The following HSPG2 variants were observed in gnomAD, a reference collection of about 807,000 sequenced individuals.
HSPG2 encodes the protein heparan sulfate proteoglycan 2.
Under a neutral mutation model 526.6 loss-of-function variants are expected in HSPG2, and 278 were observed. That is an observed-to-expected ratio of 0.53 (90% CI 0.48 to 0.58). HSPG2 has a LOEUF of 0.58. HSPG2 is among the 20% of genes least tolerant of loss of function. The pLI is 0.00. For synonymous variants in HSPG2, 2,465 were observed against 2,555.4 expected (o/e 0.96, Z 1.07); for missense variants, 5,354 against 6,099.5 (o/e 0.88, Z 4.07).
intron 1 of HSPG2, chr1:21,908,202 G>A (rs1643482286): frequency 2.3e-6 from 2 of 873,664 alleles, no homozygotes; most frequent in Admixed American, 1.7e-5. Context: ...GAATCTATAA[G>A]AAAGGTGATA....
At position 21,864,333 on chromosome 1, in the gene HSPG2, G is replaced by GC. The variant is rs3217649; in HGVS notation, c.4627-121dup. On this transcript the variant is annotated intron_variant, in intron 36 of 96. Transcript: ENST00000374695. The surrounding 1 kb of genome is among the most constrained non-coding windows in gnomAD (Gnocchi z 4.8). ...TGACCCTGGAACATCACAGGCCGGC[G>GC]CCCCTCCTTCCCCACTTCTGCTCAG... The GC allele has an allele frequency of 0.2, 159,210 of 801,846 alleles. 18,039 individuals are homozygous for GC. The highest frequency in any genetic ancestry group is 0.31 in the South Asian group (21,300 of 68,074). The allele number at this position is 801,846 out of a possible 1,614,324, so 49.7% of individuals were successfully genotyped here. A position where few individuals can be genotyped will look rare whatever the true frequency, so the allele number is the denominator to read the frequency against.
chr1:21,908,210 A>T, intron 1 of HSPG2: 1 of 880,678 alleles, frequency 1.1e-6, no homozygotes, highest in Non-Finnish European at 1.9e-6. Flanking sequence ...AAGAAAGGTG[A>T]TATTGTAGAC....
chr1:21,880,219 C>T lies in HSPG2; in HGVS notation c.2231G>A (p.Ser744Asn). ...PIGYSGLSCE[S>N]CDAHFTRVPG... ...CACCCGAGTGAAGTGGGCATCACAGCTCTCGCAGGACAAGCCAGAATAGCC... is the reference window on the plus strand; with the variant it reads ...CACCCGAGTGAAGTGGGCATCACAGTTCTCGCAGGACAAGCCAGAATAGCC... Residue 744 changes from serine to asparagine, a missense_variant, in exon 17 of 97, where the codon AGC becomes AAC. Coordinates refer to ENST00000374695, the MANE Select transcript of HSPG2 (RefSeq NM_005529.7). 1 of 1,614,196 alleles carries T rather than the reference C, an allele frequency of 6.2e-7. No homozygotes were observed. Among genetic ancestry groups the T allele is most frequent in the Non-Finnish European group, 8.5e-7 (1 of 1,180,046 alleles).
rs1642676492 is a variant in HSPG2, at chr1:21,895,428, C to T, written c.244+494G>A. Among the ~76,000 whole-genome samples, 1 of 152,174 alleles carries T rather than the reference C, an allele frequency of 6.6e-6. No homozygotes were observed. Among genetic ancestry groups the T allele is most frequent in the South Asian group, 2.1e-4 (1 of 4,832 alleles). On this transcript the variant is annotated intron_variant, in intron 3 of 96. Transcript: ENST00000374695. The surrounding 1 kb of genome is among the most constrained non-coding windows in gnomAD (Gnocchi z 4.1). ...CCTTGCTTCCCAGCCGATGACCCAC[C>T]TTAAGGCAAGGTTCTCTCCCAAGCC...
rs773217817 is a variant in HSPG2, at chr1:21,848,752, G to A, written c.7628C>T (p.Ala2543Val). The A allele has an allele frequency of 1.9e-6, 3 of 1,613,994 alleles. No individual in the cohort carries two copies. The highest frequency in any genetic ancestry group is 2.5e-6 in the Non-Finnish European group (3 of 1,179,988). ...CAGGGTGTGTCCATTGGCCAGGGAG[G>A]CTGAGGAGGACTCGATGCGGACGGG... ...AYPVRIESSSASLANGHTLDL... is the reference protein window; with the variant it reads ...AYPVRIESSSVSLANGHTLDL... Residue 2543 changes from alanine (A) to valine (V), a missense_variant, in exon 59 of 97, where the codon GCC (alanine) becomes GTC (valine). Transcript: ENST00000374695. The surrounding 1 kb of genome is among the most constrained non-coding windows in gnomAD (Gnocchi z 4.9).
intron 13 of HSPG2, 100 bp downstream of exon 13, chr1:21,884,428 G>A (rs1400664498): frequency 3.3e-5 from 49 of 1,505,346 alleles, no homozygotes; most frequent in Non-Finnish European, 3.7e-5. Context: ...ATTCCTTCCC[G>A]AAACCTGGCC....
Position 21,857,336 on chromosome 1 carries a change from C to G in HSPG2, c.5343G>C (p.Gln1781His), listed in dbSNP as rs1639419024. The G allele has an allele frequency of 6.2e-7, 1 of 1,614,094 alleles. No individual in the cohort carries two copies. The highest frequency in any genetic ancestry group is 8.5e-7 in the Non-Finnish European group (1 of 1,180,028). ...ITVTVEEQRSQSVRPGADVTF... is the reference protein window; with the variant it reads ...ITVTVEEQRSHSVRPGADVTF... ...TGACGTCAGCTCCGGGGCGCACGCT[C>G]TGGCTCCGCTGCTCCTCCACAGTCA... The change falls in exon 43 of 97, where the codon CAG (glutamine) becomes CAC (histidine). Residue 1781 changes from glutamine (Q) to histidine (H), a missense_variant. Transcript: ENST00000374695.
At chr1:21,870,684 T>C (rs958637406) in intron 33 of HSPG2, 6 of 311,808 alleles carry the variant, frequency 1.9e-5, no homozygotes, top group African/African-American at 1.1e-4. Context: ...CCCTCCTGGC[T>C]CCAACCCTGG....
At position 21,827,938 on chromosome 1, in the gene HSPG2, T is replaced by A. The variant is rs774945222; in HGVS notation, c.12533-19A>T. The A allele has an allele frequency of 6.8e-6, 11 of 1,606,448 alleles. No homozygotes were observed. The highest frequency in any genetic ancestry group is 9.3e-6 in the Non-Finnish European group (11 of 1,176,902). ...CCAGAGCCTATGGAGAAGGGCAGGG[T>A]CCAGTTGGTGGGCATAGACACCCGT... On this transcript the variant is annotated intron_variant, in intron 90 of 96. Transcript: ENST00000374695.
chr1:21,875,842 C>G lies in HSPG2; in HGVS notation c.3183+21G>C, dbSNP rs557665697. The G allele has an allele frequency of 6.4e-5, 103 of 1,613,418 alleles. 1 individual carries two copies. In the South Asian group the frequency reaches 1.1e-3, roughly 17 times the overall value. On this transcript the variant is annotated intron_variant, in intron 24 of 96. Coordinates refer to ENST00000374695, the MANE Select transcript of HSPG2 (RefSeq NM_005529.7). ...CAAGGGCCTGCCCGCACCCCTACCC[C>G]CAGGGGACAGTATTGCTCACCTCCC... is the stretch of plus-strand genomic sequence containing the variant.
chr1:21,895,818 T>C lies in HSPG2; in HGVS notation c.244+104A>G. The C allele has an allele frequency of 9.6e-7, 1 of 1,042,876 alleles. No homozygotes were observed. Among genetic ancestry groups the C allele is most frequent in the Non-Finnish European group, 1.5e-6 (1 of 666,480 alleles). 64.6% of individuals were successfully genotyped at this position (1,042,876 alleles called of 1,614,324 possible). A position where few individuals can be genotyped will look rare whatever the true frequency, so the allele number is the denominator to read the frequency against. ...GAGATCACACCCACTTCTTCTTGCT[T>C]TGTACCCCAGGGCAGGCCCAAGGAG... On this transcript the variant is annotated intron_variant, in intron 3 of 96. Transcript: ENST00000374695. The surrounding 1 kb of genome is among the most constrained non-coding windows in gnomAD (Gnocchi z 4.1).
chr1:21,853,726 G>T (rs573299682), intron 50 of HSPG2: 1 of 169,774 alleles, frequency 5.9e-6, no homozygotes, highest in Non-Finnish European at 1.2e-5. Flanking sequence ...TCCAGCCTGG[G>T]TGACAGAGCG....
rs529012013 is a variant in HSPG2 at position 21,850,406 on chromosome 1, C to T, written c.7251G>A (p.Glu2417=). 1.2e-6 allele frequency: 2 copies of T among 1,611,444 alleles called. No individual in the cohort carries two copies. The highest frequency in any genetic ancestry group is 3.3e-5 in the Admixed American group (2 of 59,734). Residue 2417 remains glutamate (E), a synonymous_variant, in exon 56 of 97, where the codon GAG becomes GAA. Transcript: ENST00000374695. ...GCTCAATGGTGACCAGGACAGAGGC[C>T]TCTAGAGGCACGGAGCTGCCCAACA... ...CRVLGSSVPL[E]ASVLVTIEPA... is the part of the protein sequence containing the mutation.
chr1:21,825,877 C>T (rs1368044222), intron 91 of HSPG2, among the ~76,000 whole-genome samples: 1 of 152,110 alleles, frequency 6.6e-6, no homozygotes, highest in Non-Finnish European at 1.5e-5. Context: ...CCCCCACCTC[C>T]CAGGTTCAAG....
Position 21,848,715 on chromosome 1 carries a change from G to C in HSPG2, c.7665C>G (p.Cys2555Trp). The C allele has an allele frequency of 2.5e-6, 4 of 1,613,956 alleles. No individual in the cohort carries two copies. The highest frequency in any genetic ancestry group is 1.1e-5 in the South Asian group (1 of 91,076). Residue 2555 changes from cysteine to tryptophan, a missense_variant, in exon 59 of 97, where the codon TGC becomes TGG. Coordinates refer to ENST00000374695, the MANE Select transcript of HSPG2 (RefSeq NM_005529.7). This position sits in a 1 kb window ranked among gnomAD's most constrained non-coding sequence, Gnocchi z 4.9. ...TGTGGGGAGCCTGGCTGGCAACCAG[G>C]CAGTTGAGGTCCAGGGTGTGTCCAT... is the stretch of plus-strand genomic sequence containing the variant. ...LANGHTLDLN[C>W]LVASQAPHTI...
chr1:21,870,325 G>A, intron 33 of HSPG2: 1 of 984,850 alleles, frequency 1.0e-6, no homozygotes, highest in African/African-American at 1.7e-5. Flanking sequence ...CTGATGAAAT[G>A]GAGGGAGCAG....
At chr1:21,844,974 G>A (rs889276542) in intron 64 of HSPG2, among the ~76,000 whole-genome samples, 7 of 152,300 alleles carry the variant, frequency 4.6e-5, no homozygotes, top group South Asian at 2.1e-4. Flanking sequence ...CACACTGGGC[G>A]CGGTGGCTCA....
At position 21,880,529 on chromosome 1, in the gene HSPG2, C is replaced by T; in HGVS notation, c.2029G>A (p.Val677Met). ...EHWVHESGRP[V>M]QRAELLQVLQ... Reference sequence around the variant, plus strand: ...ACCTGCAGCAGCTCCGCGCGCTGCACCGGCCGGCCAGACTCATGGACCCAG... The same window carrying T: ...ACCTGCAGCAGCTCCGCGCGCTGCATCGGCCGGCCAGACTCATGGACCCAG... Residue 677 changes from valine to methionine, a missense_variant, in exon 16 of 97, where the codon GTG (valine) becomes ATG (methionine). Val to Met is a conservative substitution (Grantham distance 21). Coordinates refer to ENST00000374695, the MANE Select transcript of HSPG2 (RefSeq NM_005529.7). The T allele has an allele frequency of 1.2e-6, 2 of 1,613,616 alleles. No homozygotes were observed. The highest frequency in any genetic ancestry group is 1.1e-5 in the South Asian group (1 of 91,050).
At chr1:21,909,155 G>A (rs143447264) in intron 1 of HSPG2, among the ~76,000 whole-genome samples, 47 of 152,256 alleles carry the variant, frequency 3.1e-4, no homozygotes, top group African/African-American at 1.1e-3. Flanking sequence ...GAAGGAGTCA[G>A]GCTGCAGAGA....
Sources: gnomAD v4.1 joint callset for allele counts (sites outside exome capture counted in the v4.1 genomes callset) on GRCh38, gnomAD v4.1.1 for gene constraint, Gnocchi (gnomAD v3.1) non-coding constraint, MANE v1.5 for transcripts, NCBI Gene and HGNC (gene_info 2026-07-23, HGNC 2026-07-21) for gene names.